The following STEAP4 variants were observed in gnomAD, a reference collection of about 807,000 sequenced individuals.
STEAP4 encodes metalloreductase STEAP4.
In STEAP4, 36 loss-of-function variants were observed where a neutral mutation model predicts 43.6. The ratio of observed to expected loss-of-function variants is 0.83; its 90% CI spans 0.63 to 1.09. The LOEUF is 1.09. Ranked by LOEUF, STEAP4 falls within the 50% of genes least tolerant of loss-of-function variation. STEAP4 has a pLI of 0.00. For synonymous variants in STEAP4, 191 were observed against 196.7 expected (o/e 0.97, Z 0.24); for missense variants, 495 against 546.5 (o/e 0.91, Z 0.94).
At position 88,279,311 on chromosome 7, in the gene STEAP4, T is replaced by C; in HGVS notation, c.*87A>G. 1 of 1,306,352 alleles carries C rather than the reference T, an allele frequency of 7.7e-7. No homozygotes were observed. Among genetic ancestry groups the C allele is most frequent in the Non-Finnish European group, 1.1e-6 (1 of 928,832 alleles). 80.9% of individuals were successfully genotyped at this position (1,306,352 alleles called of 1,614,324 possible). On this transcript the variant is annotated 3_prime_UTR_variant, in exon 5 of 5. Coordinates refer to ENST00000380079, the MANE Select transcript of STEAP4 (RefSeq NM_024636.4). ...AAACTTTCCTAACTGTACCCATCAT[T>C]CTTCTTTAAACATTCAAAACCATAG... is the stretch of plus-strand genomic sequence containing the variant.
intron 1 of STEAP4, among the ~76,000 whole-genome samples, chr7:88,291,683 A>T (rs1852836699): frequency 6.6e-6 from 1 of 152,144 alleles, no homozygotes; most frequent in Non-Finnish European, 1.5e-5. Context: ...GACTTAAAAA[A>T]GTTTTCTAGT....
At chr7:88,303,208 A>AAAAAAACAAT (rs1554544064) in intron 1 of STEAP4, among the ~76,000 whole-genome samples, 3 of 144,848 alleles carry the variant, frequency 2.1e-5, no homozygotes, top group Non-Finnish European at 4.6e-5. Flanking sequence ...AAAAAAAAAA[A>AAAAAAACAAT]ACTCCAACCG....
rs1853000175 is a variant in STEAP4 at position 88,299,845 on chromosome 7, T to TGGG, written c.-3+6946_-3+6947insCCC. ...TCTTGACCCCACCCCCATTCCTTGC[T>TGGG]GTTGGAGGAACTCCATTCTGCTTTA... On this transcript the variant is annotated intron_variant, in intron 1 of 4. Coordinates refer to ENST00000380079, the MANE Select transcript of STEAP4 (RefSeq NM_024636.4). Among the ~76,000 whole-genome samples, 4 of 152,376 alleles carry TGGG rather than the reference T, an allele frequency of 2.6e-5. No individual in the cohort carries two copies. In the South Asian group the frequency reaches 8.3e-4, roughly 32 times the overall value.
rs550287129 is a variant in STEAP4, at chr7:88,303,195, A to C, written c.-3+3597T>G. On this transcript the variant is annotated intron_variant, in intron 1 of 4. Coordinates refer to ENST00000380079, the MANE Select transcript of STEAP4 (RefSeq NM_024636.4). ...CATATAATCTGCATTAAAAAAAAAA[A>C]AAAAAAAAAAAAAACTCCAACCGGG... Among the ~76,000 whole-genome samples the C allele has an allele frequency of 9.1e-5, 13 of 143,142 alleles. No homozygotes were observed. In the South Asian group the frequency reaches 1.1e-3, roughly 12 times the overall value. 93.9% of individuals were successfully genotyped at this position (143,142 alleles called of 152,430 possible). A position where few individuals can be genotyped will look rare whatever the true frequency, so the allele number is the denominator to read the frequency against.
rs1852447976 is a variant in STEAP4 at position 88,272,323 on chromosome 7, G to T, written c.*7075C>A. 6.6e-6 allele frequency: 1 copy of T among 152,220 alleles called. No homozygotes were observed. Among genetic ancestry groups the T allele is most frequent in the South Asian group, 2.1e-4 (1 of 4,836 alleles). The allele number at this position is 152,220 out of a possible 1,614,324, so 9.4% of individuals were successfully genotyped here. ...ACTTTCCCAGCAAAACTGAGCTCCA[G>T]TTGCCCAGATGGGTAACCAGCTTGA... On this transcript the variant is annotated 3_prime_UTR_variant, in exon 5 of 5. Transcript: ENST00000380079.
intron 1 of STEAP4, among the ~76,000 whole-genome samples, chr7:88,289,736 A>C (rs1188748693): frequency 6.6e-6 from 1 of 152,228 alleles, no homozygotes; most frequent in African/African-American, 2.4e-5. Flanking sequence ...TGATATCCTG[A>C]ATGGGTGTCA....
intron 1 of STEAP4, chr7:88,304,407 T>A (rs1853093888): frequency 1.3e-5 from 2 of 152,120 alleles, no homozygotes; most frequent in South Asian, 4.1e-4. Flanking sequence ...CTTACATTAT[T>A]ATTATCTGGC....
chr7:88,288,161 A>C (rs1852768192), intron 1 of STEAP4, among the ~76,000 whole-genome samples: 1 of 152,174 alleles, frequency 6.6e-6, no homozygotes, highest in South Asian at 2.1e-4. Flanking sequence ...AAATAAATTA[A>C]AGATTTATTT....
intron 1 of STEAP4, among the ~76,000 whole-genome samples, chr7:88,288,261 C>T (rs1427499474): frequency 1.3e-5 from 2 of 152,200 alleles, no homozygotes; most frequent in African/African-American, 2.4e-5. Context: ...ACCTCCGCCT[C>T]CCAGGTTCAA....
intron 1 of STEAP4, among the ~76,000 whole-genome samples, chr7:88,303,207 A>AC (rs1292005922): frequency 2.4e-4 from 36 of 148,238 alleles, no homozygotes; most frequent in Admixed American, 1.4e-3. Context: ...AAAAAAAAAA[A>AC]AACTCCAACC....
At chr7:88,302,911 G>A (rs1052422336) in intron 1 of STEAP4, among the ~76,000 whole-genome samples, 2 of 133,372 alleles carry the variant, frequency 1.5e-5, no homozygotes, top group Non-Finnish European at 3.0e-5. Context: ...CTGACATCGC[G>A]CTACTGTACT....
chr7:88,296,825 AT>A (rs1419150866), intron 1 of STEAP4, among the ~76,000 whole-genome samples: 6 of 152,172 alleles, frequency 3.9e-5, no homozygotes, highest in Non-Finnish European at 7.4e-5. Context: ...TCAACTACAT[AT>A]TCTTTTATTG....
chr7:88,301,078 C>T (rs952861820), intron 1 of STEAP4, among the ~76,000 whole-genome samples: 4 of 152,274 alleles, frequency 2.6e-5, no homozygotes, highest in Admixed American at 2.0e-4. Flanking sequence ...TCAGACACAC[C>T]TCAGAACTAG....
At chr7:88,292,899 T>C (rs1852859228) in intron 1 of STEAP4, 1 of 152,206 alleles carries the variant, frequency 6.6e-6, no homozygotes, top group Non-Finnish European at 1.5e-5. Flanking sequence ...ATAGATATAC[T>C]AAAGTTTAAC....
intron 1 of STEAP4, among the ~76,000 whole-genome samples, chr7:88,305,484 T>C (rs1484355173): frequency 6.6e-6 from 1 of 152,218 alleles, no homozygotes; most frequent in African/African-American, 2.4e-5. Flanking sequence ...AAAAAAAATG[T>C]TCTCTCATGT....
intron 2 of STEAP4, chr7:88,283,560 T>C (rs546374393): frequency 1.2e-4 from 65 of 552,034 alleles, no homozygotes; most frequent in African/African-American, 1.2e-3. Context: ...TAGTTTCTAG[T>C]ACTGACAAGA....
chr7:88,306,071 G>T (rs1197782010), intron 1 of STEAP4, among the ~76,000 whole-genome samples: 2 of 152,178 alleles, frequency 1.3e-5, no homozygotes, highest in Non-Finnish European at 2.9e-5. Context: ...GTTGCACTAT[G>T]TTGGCCAGGC....
chr7:88,271,238 A>G lies in STEAP4; in HGVS notation c.*8160T>C, dbSNP rs1265403751. ...TTAAATTTATTTTAATAATTAGGTA[A>G]CCTACTCATGTAATTTAAAAACCAA... On this transcript the variant is annotated 3_prime_UTR_variant, in exon 5 of 5. Coordinates refer to ENST00000380079, the MANE Select transcript of STEAP4 (RefSeq NM_024636.4). 4 of 152,236 alleles carry G rather than the reference A, an allele frequency of 2.6e-5. No individual in the cohort carries two copies. Among genetic ancestry groups the G allele is most frequent in the Non-Finnish European group, 5.9e-5 (4 of 68,006 alleles). 9.4% of individuals were successfully genotyped at this position (152,236 alleles called of 1,614,324 possible). A position where few individuals can be genotyped will look rare whatever the true frequency, so the allele number is the denominator to read the frequency against.
chr7:88,305,160 A>T (rs1853107861), intron 1 of STEAP4, among the ~76,000 whole-genome samples: 1 of 152,178 alleles, frequency 6.6e-6, no homozygotes, highest in Non-Finnish European at 1.5e-5. Context: ...TGTGAACTTC[A>T]ACAATGTGAA....
Sources: gnomAD v4.1 joint callset for allele counts (sites outside exome capture counted in the v4.1 genomes callset) on GRCh38, gnomAD v4.1.1 for gene constraint, MANE v1.5 for transcripts, NCBI Gene and HGNC (gene_info 2026-07-23, HGNC 2026-07-21) for gene names.